Variants in ADGRB3 observed in about 807,000 individuals in gnomAD.
The protein encoded by ADGRB3 is brain-specific angiogenesis inhibitor 3.
Under a neutral mutation model 193.4 loss-of-function variants are expected in ADGRB3, and 37 were observed. That is an observed-to-expected ratio of 0.19 (90% CI 0.15 to 0.25). The LOEUF (loss-of-function observed/expected upper bound fraction) is 0.25, where lower values mean the gene tolerates loss of function less well. ADGRB3 is among the 10% of genes least tolerant of loss of function. The probability of loss-of-function intolerance (pLI) is 1.00; values close to 1 mark genes in which losing one functional copy is unlikely to be tolerated. For missense variants in ADGRB3, 1,637 were observed against 1,852.9 expected (o/e 0.88, Z 2.14); for synonymous variants, 690 against 644.2 (o/e 1.07, Z -1.08).
At chr6:68,726,130 C>G (rs1765669926) in intron 3 of ADGRB3, among the ~76,000 whole-genome samples, 1 of 151,558 alleles carries the variant, frequency 6.6e-6, no homozygotes, top group African/African-American at 2.4e-5. Context: ...AAATTTAGTT[C>G]TAGTGAAGAT....
At chr6:68,807,235 C>CTTTTTTTTTTTTTTTTTT (rs771342538) in intron 3 of ADGRB3, among the ~76,000 whole-genome samples, 5 of 100,200 alleles carry the variant, frequency 5.0e-5, no homozygotes, top group African/African-American at 1.1e-4. Flanking sequence ...TTTCTTTTTT[C>CTTTTTTTTTTTTTTTTTT]TTTTTTTTTT....
At chr6:68,790,957 C>T (rs6907661) in intron 3 of ADGRB3, among the ~76,000 whole-genome samples, 110,232 of 151,578 alleles carry the variant, frequency 0.73, 40,365 homozygotes, top group Middle Eastern at 0.9. Context: ...CCACTGTGCC[C>T]GTAATTTCAG....
intron 3 of ADGRB3, among the ~76,000 whole-genome samples, chr6:68,788,518 G>A (rs1304591624): frequency 6.6e-6 from 1 of 152,198 alleles, no homozygotes; most frequent in Admixed American, 6.5e-5. Flanking sequence ...TGGTCTGAGA[G>A]ACAGTTTGTT....
chr6:68,836,327 C>A (rs1295529315), intron 3 of ADGRB3, among the ~76,000 whole-genome samples: 2 of 150,438 alleles, frequency 1.3e-5, no homozygotes, highest in Non-Finnish European at 3.0e-5. Flanking sequence ...GGAATGGGTT[C>A]ACTCTTTACT....
Position 69,354,292 on chromosome 6 carries a change from T to G in ADGRB3, c.3519T>G (p.Ser1173=). Residue 1173 remains serine, a synonymous_variant, in exon 27 of 32, where the codon TCT becomes TCG. Transcript: ENST00000370598. The part of the protein sequence containing the change: ...RNCQDPINAD[S]SSSFPNGHAQ... ...GTCAGGATCCCATCAATGCAGATTC[T>G]TCGAGTTCGTTTCCTAATGGGCATG... 7 of 1,614,024 alleles carry G rather than the reference T, an allele frequency of 4.3e-6. No homozygotes were observed. Among genetic ancestry groups the G allele is most frequent in the Non-Finnish European group, 4.2e-6 (5 of 1,179,932 alleles).
intron 29 of ADGRB3, among the ~76,000 whole-genome samples, chr6:69,369,101 A>G (rs1037559902): frequency 4.6e-5 from 7 of 152,146 alleles, no homozygotes; most frequent in African/African-American, 1.4e-4. Flanking sequence ...TAGCATTTTT[A>G]AAAGTTATCA....
At chr6:69,330,422 A>G in intron 22 of ADGRB3, 84 bp from the exon 23 acceptor site, 1 of 1,008,888 alleles carries the variant, frequency 9.9e-7, no homozygotes, top group Non-Finnish European at 1.4e-6. Context: ...GGCAAAATGT[A>G]TAATCTAAGT....
chr6:69,312,470 T>G (rs546390850), intron 20 of ADGRB3, among the ~76,000 whole-genome samples: 1 of 151,786 alleles, frequency 6.6e-6, no homozygotes, highest in South Asian at 2.1e-4. Context: ...TCAGGGTTGA[T>G]TGGTACTTTT....
chr6:69,156,041 G>T (rs895498844), intron 17 of ADGRB3, among the ~76,000 whole-genome samples: 1 of 151,890 alleles, frequency 6.6e-6, no homozygotes, highest in East Asian at 1.9e-4. Flanking sequence ...ACATATGCTC[G>T]TTAATTTAAT....
At chr6:68,680,874 T>C (rs74466050) in intron 3 of ADGRB3, among the ~76,000 whole-genome samples, 2 of 152,176 alleles carry the variant, frequency 1.3e-5, no homozygotes, top group Non-Finnish European at 2.9e-5. Context: ...CTAACTAGCT[T>C]TTAAAGAAAA....
At chr6:68,701,617 C>A (rs1765244333) in intron 3 of ADGRB3, among the ~76,000 whole-genome samples, 1 of 152,192 alleles carries the variant, frequency 6.6e-6, no homozygotes, top group Admixed American at 6.5e-5. Flanking sequence ...ATTCATAGAG[C>A]AGCTTCTTGA....
intron 17 of ADGRB3, among the ~76,000 whole-genome samples, chr6:69,229,797 C>G (rs1766093900): frequency 6.6e-6 from 1 of 152,004 alleles, no homozygotes; most frequent in Non-Finnish European, 1.5e-5. Flanking sequence ...CTTCATGAAA[C>G]CAAAAACTCA....
intron 13 of ADGRB3, among the ~76,000 whole-genome samples, chr6:69,035,540 A>T (rs1229395989): frequency 6.6e-6 from 1 of 152,146 alleles, no homozygotes; most frequent in Non-Finnish European, 1.5e-5. Flanking sequence ...TAGAGGAAGA[A>T]GTTAGAGACC....
At chr6:68,691,452 C>T (rs796687659) in intron 3 of ADGRB3, among the ~76,000 whole-genome samples, 6 of 151,974 alleles carry the variant, frequency 3.9e-5, no homozygotes, top group African/African-American at 9.6e-5. Context: ...CTATGGCTAG[C>T]GGCAACTTAT....
chr6:69,165,079 T>C (rs951368752), intron 17 of ADGRB3, among the ~76,000 whole-genome samples: 7 of 151,984 alleles, frequency 4.6e-5, no homozygotes, highest in African/African-American at 1.7e-4. Context: ...TTATTTCACA[T>C]TGCCACTAGG....
intron 3 of ADGRB3, among the ~76,000 whole-genome samples, chr6:68,786,562 T>C (rs1251089869): frequency 2.0e-5 from 3 of 152,232 alleles, no homozygotes; most frequent in African/African-American, 7.2e-5. Flanking sequence ...TGTAGCCTTG[T>C]AGTATAGTTT....
At chr6:68,893,516 A>G (rs988593649) in intron 3 of ADGRB3, among the ~76,000 whole-genome samples, 3 of 151,568 alleles carry the variant, frequency 2.0e-5, no homozygotes, top group African/African-American at 7.2e-5. Flanking sequence ...GCCTGTCTCC[A>G]GGACAACCAA....
At chr6:68,843,887 C>T (rs1044816515) in intron 3 of ADGRB3, among the ~76,000 whole-genome samples, 1 of 151,902 alleles carries the variant, frequency 6.6e-6, no homozygotes, top group Non-Finnish European at 1.5e-5. Flanking sequence ...CAGTGAAATC[C>T]TTGATAACAC....
chr6:69,167,888 G>A (rs568861830), intron 17 of ADGRB3, among the ~76,000 whole-genome samples: 3 of 152,188 alleles, frequency 2.0e-5, no homozygotes, highest in African/African-American at 7.2e-5. Flanking sequence ...ATGTTTTTAG[G>A]CAGCCTCAAT....
Sources: allele counts gnomAD v4.1 joint callset (sites outside exome capture counted in the v4.1 genomes callset), GRCh38; gene constraint gnomAD v4.1.1; transcripts MANE v1.5; gene names NCBI Gene and HGNC (gene_info 2026-07-23, HGNC 2026-07-21).